PCDHGA3: variants seen among roughly 807,000 people sequenced by gnomAD.
PCDHGA3 encodes protocadherin gamma-A3.
Under a neutral mutation model 58.5 loss-of-function variants are expected in PCDHGA3, and 40 were observed. The observed-to-expected ratio is 0.68, with a 90% CI of 0.53 to 0.89. The LOEUF (loss-of-function observed/expected upper bound fraction) is 0.89. Ranked by LOEUF, PCDHGA3 falls within the 40% of genes least tolerant of loss-of-function variation. The pLI, the probability that PCDHGA3 is intolerant of heterozygous loss-of-function variation, is 0.00. For missense variants in PCDHGA3, 1,223 were observed against 1,195.9 expected (o/e 1.02, Z -0.33); for synonymous variants, 530 against 525.7 (o/e 1.01, Z -0.11).
At chr5:141,465,747 A>G (rs2099108470) in intron 1 of PCDHGA3, among the ~76,000 whole-genome samples, 2 of 151,126 alleles carry the variant, frequency 1.3e-5, no homozygotes, top group African/African-American at 4.9e-5. Flanking sequence ...TCAGGATCAG[A>G]CTGGTAAAGT....
chr5:141,375,010 T>C (rs1771037027), intron 1 of PCDHGA3: 3 of 1,613,932 alleles, frequency 1.9e-6, no homozygotes, highest in Non-Finnish European at 1.7e-6. Context: ...ATCTAGACTA[T>C]GAGGACTCGA....
chr5:141,504,434 A>C (rs2099838201), intron 2 of PCDHGA3, among the ~76,000 whole-genome samples: 1 of 152,234 alleles, frequency 6.6e-6, no homozygotes, highest in South Asian at 2.1e-4. Flanking sequence ...CAACAGCTGC[A>C]GTGTGACTAG....
chr5:141,344,593 AG>A lies in PCDHGA3; in HGVS notation c.565del (p.Ala189ProfsTer42). The stretch of plus-strand genomic sequence containing the variant: ...TCTCTGGCTGTGAATAGCGTCTCTG[AG>A]GGGGCCAAGTATCCAGAGCTGGTGC... ...YFSLAVNSVS[E>X]GAKYPELVLE... On this transcript the variant is annotated frameshift_variant, in exon 1 of 4. Transcript: ENST00000253812. LOFTEE classifies it high-confidence loss of function. 5 of 1,613,956 alleles carry A rather than the reference AG, an allele frequency of 3.1e-6. No homozygotes were observed. Among genetic ancestry groups the A allele is most frequent in the Non-Finnish European group, 4.2e-6 (5 of 1,179,876 alleles).
rs2099883850 is a variant in PCDHGA3, at chr5:141,511,565, A to T, written c.*392A>T. The T allele has an allele frequency of 3.4e-6, 1 of 295,974 alleles. No homozygotes were observed. Among genetic ancestry groups the T allele is most frequent in the African/African-American group, 2.2e-5 (1 of 46,502 alleles). The allele number at this position is 295,974 out of a possible 1,614,324, so 18.3% of individuals were successfully genotyped here. The stretch of plus-strand genomic sequence containing the variant: ...CCACTCCAACAGTTCCTCTTTCCCG[A>T]GTAAGGTGGTTGGGGTGTTGAAGTA... On this transcript the variant is annotated 3_prime_UTR_variant, in exon 4 of 4. Coordinates refer to ENST00000253812, the MANE Select transcript of PCDHGA3 (RefSeq NM_018916.4).
chr5:141,485,074 G>C lies in PCDHGA3; in HGVS notation c.2425-9733G>C, dbSNP rs2099606548. ...GGCCGAACCGCGCCAGAGCTGGCGC[G>C]GGGAAAGGGAGATAGGTGTCTCCAG... On this transcript the variant is annotated intron_variant, in intron 1 of 3. Coordinates refer to ENST00000253812, the MANE Select transcript of PCDHGA3 (RefSeq NM_018916.4). The surrounding 1 kb of genome is among the most constrained non-coding windows in gnomAD (Gnocchi z 5.7). 1 of 926,946 alleles carries C rather than the reference G, an allele frequency of 1.1e-6. No individual in the cohort carries two copies. The highest frequency in any genetic ancestry group is 1.6e-5 in the South Asian group (1 of 62,606). The allele number at this position is 926,946 out of a possible 1,614,324, so 57.4% of individuals were successfully genotyped here.
chr5:141,423,141 G>C, intron 1 of PCDHGA3: 1 of 1,613,580 alleles, frequency 6.2e-7, no homozygotes, highest in Non-Finnish European at 8.5e-7. Flanking sequence ...ACAGAGACGC[G>C]CTCAAGCAGA....
At chr5:141,421,523 C>G in intron 1 of PCDHGA3, 1 of 1,614,034 alleles carries the variant, frequency 6.2e-7, no homozygotes, top group Non-Finnish European at 8.5e-7. Context: ...CTCTGTGAGA[C>G]GGTGTCCTCC....
At chr5:141,496,698 C>T (rs2099770595) in intron 2 of PCDHGA3, among the ~76,000 whole-genome samples, 1 of 152,196 alleles carries the variant, frequency 6.6e-6, no homozygotes, top group Non-Finnish European at 1.5e-5. Context: ...CCAACCTTCT[C>T]ATAAGTTATC....
intron 1 of PCDHGA3, chr5:141,410,397 G>A (rs1338071222): frequency 1.9e-6 from 3 of 1,613,930 alleles, no homozygotes; most frequent in South Asian, 1.1e-5. Context: ...CCTGGTCTCT[G>A]TGTCAAGTCT....
intron 1 of PCDHGA3, chr5:141,410,207 C>T: frequency 6.2e-7 from 1 of 1,614,024 alleles, no homozygotes; most frequent in African/African-American, 1.3e-5. Context: ...AGACAACTTG[C>T]AAGAGATACT....
At chr5:141,499,648 CAT>C (rs1434824310) in intron 2 of PCDHGA3, among the ~76,000 whole-genome samples, 2 of 148,784 alleles carry the variant, frequency 1.3e-5, no homozygotes, top group Admixed American at 6.7e-5. Flanking sequence ...TCTCAGACAT[CAT>C]ATAATTTCAT....
chr5:141,421,905 A>C, intron 1 of PCDHGA3: 1 of 1,613,752 alleles, frequency 6.2e-7, no homozygotes, highest in Non-Finnish European at 8.5e-7. Context: ...GAAAGGGCGC[A>C]GTTCCCATTC....
intron 2 of PCDHGA3, among the ~76,000 whole-genome samples, chr5:141,497,621 C>T (rs769483223): frequency 7.3e-5 from 11 of 151,482 alleles, no homozygotes; most frequent in Non-Finnish European, 1.3e-4. Flanking sequence ...CTCACTGCAA[C>T]CTCTGCCTGC....
Position 141,360,552 on chromosome 5 carries a change from T to C in PCDHGA3, c.2424+14095T>C, listed in dbSNP as rs373703966. 24 of 1,613,850 alleles carry C rather than the reference T, an allele frequency of 1.5e-5. No individual in the cohort carries two copies. In the African/African-American group the frequency reaches 2.8e-4, roughly 19 times the overall value. Reference sequence around the variant, plus strand: ...CGCTATTCAAACAGACTAAGATTAATTTAAAAATTGGCGAATCCACTAAGC... The same window carrying C: ...CGCTATTCAAACAGACTAAGATTAACTTAAAAATTGGCGAATCCACTAAGC... On this transcript the variant is annotated intron_variant, in intron 1 of 3. Transcript: ENST00000253812.
chr5:141,404,739 G>A, intron 1 of PCDHGA3: 1 of 1,614,092 alleles, frequency 6.2e-7, no homozygotes, highest in Non-Finnish European at 8.5e-7. Flanking sequence ...GCAGTGGACA[G>A]AGACTCAGGC....
intron 2 of PCDHGA3, among the ~76,000 whole-genome samples, chr5:141,495,703 GGAGT>G (rs2099763108): frequency 6.6e-6 from 1 of 152,098 alleles, no homozygotes; most frequent in South Asian, 2.1e-4. Context: ...CAATAAATGT[GGAGT>G]GAGTAACTAC....
chr5:141,436,600 G>C (rs1054182433), intron 1 of PCDHGA3, among the ~76,000 whole-genome samples: 2 of 152,154 alleles, frequency 1.3e-5, no homozygotes, highest in African/African-American at 2.4e-5. Context: ...CGTGGTGATG[G>C]CTAGGGCTAA....
chr5:141,370,785 C>T, intron 1 of PCDHGA3: 1 of 1,614,018 alleles, frequency 6.2e-7, no homozygotes, highest in Non-Finnish European at 8.5e-7. Flanking sequence ...CGACAACCCA[C>T]CGACCTTTAG....
intron 1 of PCDHGA3, chr5:141,364,359 G>A: frequency 6.4e-7 from 1 of 1,558,664 alleles, no homozygotes; most frequent in Non-Finnish European, 8.7e-7. Flanking sequence ...GGCTGGGGCT[G>A]CGGAGAGCTG....
Sources: allele counts gnomAD v4.1 joint callset (sites outside exome capture counted in the v4.1 genomes callset), GRCh38; gene constraint gnomAD v4.1.1; non-coding constraint Gnocchi (gnomAD v3.1); transcripts MANE v1.5; gene names NCBI Gene and HGNC (gene_info 2026-07-23, HGNC 2026-07-21).